PCSK5: variants seen among roughly 807,000 people sequenced by gnomAD.
PCSK5 encodes prohormone convertase 5.
Under a neutral mutation model 233.2 loss-of-function variants are expected in PCSK5, and 129 were observed. The ratio of observed to expected loss-of-function variants is 0.55; its 90% CI spans 0.48 to 0.64. The LOEUF (loss-of-function observed/expected upper bound fraction) is 0.64, where lower values mean the gene tolerates loss of function less well. Ranked by LOEUF, PCSK5 falls within the 30% of genes least tolerant of loss-of-function variation. The probability of loss-of-function intolerance (pLI) is 0.00; values close to 1 mark genes in which losing one functional copy is unlikely to be tolerated. For synonymous variants in PCSK5, 825 were observed against 879.2 expected, an observed-to-expected ratio of 0.94 and a Z score of 1.09; for missense variants, 2,076 against 2,430.1, an observed-to-expected ratio of 0.85 and a Z score of 3.06.
At chr9:76,223,750 GCT>G (rs1217077769) in intron 20 of PCSK5, among the ~76,000 whole-genome samples, 1 of 152,124 alleles carries the variant, frequency 6.6e-6, no homozygotes, top group East Asian at 1.9e-4. Context: ...GCTCCTGAAG[GCT>G]CTGTTAAAAG....
chr9:76,038,189 A>G (rs889050704), intron 5 of PCSK5, among the ~76,000 whole-genome samples: 8 of 152,116 alleles, frequency 5.3e-5, no homozygotes, highest in Non-Finnish European at 7.4e-5. Flanking sequence ...TACCATATAT[A>G]GACTCTCATT....
intron 20 of PCSK5, among the ~76,000 whole-genome samples, chr9:76,215,251 T>C (rs1261886723): frequency 8.6e-5 from 13 of 152,014 alleles, no homozygotes; most frequent in Admixed American, 7.9e-4. Context: ...AAGATAAATA[T>C]CAAGAGCAGC....
chr9:76,236,255 T>C (rs1175461899), intron 22 of PCSK5, among the ~76,000 whole-genome samples: 1 of 152,244 alleles, frequency 6.6e-6, no homozygotes, highest in Non-Finnish European at 1.5e-5. Flanking sequence ...TTTCGCCTCA[T>C]GCCTTCAACC....
intron 2 of PCSK5, among the ~76,000 whole-genome samples, chr9:75,955,321 A>G (rs1351578663): frequency 6.6e-6 from 1 of 152,180 alleles, no homozygotes; most frequent in Non-Finnish European, 1.5e-5. Context: ...AAAGATGAGC[A>G]TTATTTACAC....
chr9:76,289,478 C>CAA, intron 24 of PCSK5, among the ~76,000 whole-genome samples: 1 of 106,632 alleles, frequency 9.4e-6, no homozygotes, highest in South Asian at 2.8e-4. Flanking sequence ...ACCACACACA[C>CAA]ACACACACAC....
chr9:76,079,385 C>A (rs1227512018), intron 7 of PCSK5, among the ~76,000 whole-genome samples: 1 of 152,052 alleles, frequency 6.6e-6, no homozygotes, highest in African/African-American at 2.4e-5. Flanking sequence ...GTGATCTGCC[C>A]GCCTTGGCCT....
Position 75,950,151 on chromosome 9 carries a change from G to A in PCSK5, c.297+17668G>A, listed in dbSNP as rs537781792. On this transcript the variant is annotated intron_variant, in intron 2 of 37. Coordinates refer to ENST00000674117, the MANE Select transcript of PCSK5 (RefSeq NM_001372043.1). The stretch of plus-strand genomic sequence containing the variant: ...CACACTTGTGTGTGTGTGTGGGGGG[G>A]GCGGGGAGGGGGGAACTGCTACAGC... Among the ~76,000 whole-genome samples the A allele has an allele frequency of 4.2e-5, 5 of 119,524 alleles. 1 individual carries two copies. The highest frequency in any genetic ancestry group is 2.5e-4 in the East Asian group (1 of 4,010). The allele number at this position is 119,524 out of a possible 152,430, so 78.4% of individuals were successfully genotyped here.
At chr9:75,914,532 G>A (rs1013706363) in intron 1 of PCSK5, among the ~76,000 whole-genome samples, 13 of 151,980 alleles carry the variant, frequency 8.6e-5, no homozygotes, top group African/African-American at 3.1e-4. Flanking sequence ...TTTTAGAGTT[G>A]GGAGCAAGAA....
At position 76,173,360 on chromosome 9, in the gene PCSK5, G is replaced by A. The variant is rs564744273; in HGVS notation, c.1757-1626G>A. ...TTCTATGCATTCAGCCAAGGTGAGA[G>A]GGGTTCTGAGGGGCATTCTACCTTC... On this transcript the variant is annotated intron_variant, in intron 13 of 37. Coordinates refer to ENST00000674117, the MANE Select transcript of PCSK5 (RefSeq NM_001372043.1). Among the ~76,000 whole-genome samples, 5 of 152,200 alleles carry A rather than the reference G, an allele frequency of 3.3e-5. No individual in the cohort carries two copies. In the East Asian group the frequency reaches 7.7e-4, roughly 24 times the overall value.
At chr9:76,317,644 C>A (rs74607086) in intron 30 of PCSK5, among the ~76,000 whole-genome samples, 1,921 of 152,304 alleles carry the variant, frequency 0.013, 37 homozygotes, top group African/African-American at 0.044. Context: ...AACTTTGCAC[C>A]AACTCCACTA....
At chr9:76,207,025 C>T (rs1162770533) in intron 20 of PCSK5, among the ~76,000 whole-genome samples, 2 of 152,090 alleles carry the variant, frequency 1.3e-5, no homozygotes, top group Non-Finnish European at 2.9e-5. Context: ...TGACCCCTTC[C>T]TCCATCTTCA....
At chr9:76,214,910 C>T (rs571284429) in intron 20 of PCSK5, among the ~76,000 whole-genome samples, 5 of 152,276 alleles carry the variant, frequency 3.3e-5, no homozygotes, top group East Asian at 1.9e-4. Flanking sequence ...CCTGGACTTA[C>T]GCTCCCCAAA....
chr9:75,980,314 CAG>C (rs1376627364), intron 2 of PCSK5, among the ~76,000 whole-genome samples: 1 of 152,102 alleles, frequency 6.6e-6, no homozygotes, highest in Non-Finnish European at 1.5e-5. Context: ...AATTTTACAG[CAG>C]AGTCAAGTTT....
intron 24 of PCSK5, among the ~76,000 whole-genome samples, chr9:76,249,307 C>T (rs778844686): frequency 3.4e-4 from 52 of 152,066 alleles, no homozygotes; most frequent in Non-Finnish European, 2.8e-4. Flanking sequence ...CAAGAAAAAT[C>T]GTATTTAGCC....
At position 76,296,740 on chromosome 9, in the gene PCSK5, G is replaced by C; in HGVS notation, c.3398G>C (p.Arg1133Pro). 1 of 1,612,306 alleles carries C rather than the reference G, an allele frequency of 6.2e-7. No homozygotes were observed. Among genetic ancestry groups the C allele is most frequent in the South Asian group, 1.1e-5 (1 of 91,066 alleles). Residue 1133 changes from arginine to proline, a missense_variant, in exon 27 of 38, where the codon CGA becomes CCA. By Grantham distance (103) the Arg-to-Pro change is moderately radical. This residue lies in a region of PCSK5 where 1,510 missense variants were observed against 1,538.1 expected (regional missense o/e 0.98). Transcript: ENST00000674117. ...QEMGECESCH[R>P]ACETCTGPGH... ...ATGGGAGAATGTGAGTCCTGCCACC[G>C]AGCATGCGAAACCTGCACAGGCCCT...
chr9:76,243,977 A>G (rs549901739), intron 24 of PCSK5, among the ~76,000 whole-genome samples: 38 of 152,220 alleles, frequency 2.5e-4, no homozygotes, highest in Admixed American at 1.0e-3. Flanking sequence ...TAATTCCAGC[A>G]CTTTGAAAGG....
intron 1 of PCSK5, among the ~76,000 whole-genome samples, chr9:75,922,890 G>A (rs62555873): frequency 0.03 from 4,521 of 152,166 alleles, 116 homozygotes; most frequent in Non-Finnish European, 0.037. Context: ...TTTCTTACCC[G>A]CTCAGGATTC....
intron 34 of PCSK5, 96 bp downstream of exon 34, chr9:76,332,706 T>C (rs1829571612): frequency 1.1e-6 from 1 of 919,818 alleles, no homozygotes; most frequent in Non-Finnish European, 1.7e-6. Flanking sequence ...AGAACACTTA[T>C]AAAACCAGGT....
chr9:76,239,249 C>A (rs1826353445), intron 23 of PCSK5, 84 bp downstream of exon 23: 2 of 1,139,234 alleles, frequency 1.8e-6, no homozygotes, highest in Non-Finnish European at 2.6e-6. Flanking sequence ...CTTGAATTGC[C>A]TTCCTGGCTT....
Sources: gnomAD v4.1 joint callset for allele counts (sites outside exome capture counted in the v4.1 genomes callset) on GRCh38, gnomAD v4.1.1 for gene constraint, gnomAD v4.1.1 regional missense constraint, MANE v1.5 for transcripts, NCBI Gene and HGNC (gene_info 2026-07-23, HGNC 2026-07-21) for gene names.